The following ACTB variants were observed in gnomAD, a reference collection of about 807,000 sequenced individuals.
ACTB encodes the protein actin, cytoplasmic 1.
ACTB carries 2 observed loss-of-function variants against 30.5 expected under a neutral mutation model. The observed-to-expected ratio is 0.07, with a 90% confidence interval of 0.03 to 0.21. ACTB has a LOEUF of 0.21. ACTB is among the 10% of genes least tolerant of loss of function. ACTB has a pLI of 1.00. For missense variants in ACTB, 56 were observed against 530.0 expected (o/e 0.11, Z 8.78); for synonymous variants, 335 against 217.6 (o/e 1.54, Z -4.75).
intron 3 of ACTB, 32 bp downstream of exon 3, chr7:5,529,129 G>A (rs771252379): frequency 1.9e-6 from 3 of 1,612,670 alleles, no homozygotes; most frequent in Admixed American, 1.7e-5. Flanking sequence ...AAGGAGGGAG[G>A]CGGCCACCAG....
At chr7:5,530,374 G>T (rs551412401) in intron 1 of ACTB, 150 bp downstream of exon 1, 1 of 152,130 alleles carries the variant, frequency 6.6e-6, no homozygotes, top group South Asian at 2.1e-4. Context: ...GGAGGCCCAG[G>T]GGCTTCTCCC....
intron 1 of ACTB, 155 bp from the exon 2 acceptor site, chr7:5,529,818 A>G (rs2128241502): frequency 7.8e-7 from 1 of 1,275,400 alleles, no homozygotes. Flanking sequence ...TAAAAGGCAA[A>G]CACTGGTCGG....
In ACTB at chr7:5,528,010, C is replaced by T; in HGVS notation, c.978G>A (p.Lys326=). ...EITALAPSTM[K]IKIIAPPERK... ...AGGCAGGAAAGACACCCACCTTGAT[C>T]TTCATTGTGCTGGGTGCCAGGGCAG... is the stretch of plus-strand genomic sequence containing the variant. Residue 326 remains lysine (K), a synonymous_variant, in exon 5 of 6, where the codon AAG becomes AAA. Coordinates refer to ENST00000646664, the MANE Select transcript of ACTB (RefSeq NM_001101.5). The T allele has an allele frequency of 6.2e-7, 1 of 1,614,196 alleles. No homozygotes were observed. The highest frequency in any genetic ancestry group is 8.5e-7 in the Non-Finnish European group (1 of 1,180,030).
At position 5,527,271 on chromosome 7, in the gene ACTB, A is replaced by AAAGGGGG; in HGVS notation, c.*470_*476dup. The AAAGGGGG allele has an allele frequency of 4.1e-6, 1 of 243,016 alleles. No homozygotes were observed. Among genetic ancestry groups the AAAGGGGG allele is most frequent in the Non-Finnish European group, 8.2e-6 (1 of 122,368 alleles). The allele number at this position is 243,016 out of a possible 1,614,324, so 15.1% of individuals were successfully genotyped here. A position where few individuals can be genotyped will look rare whatever the true frequency, so the allele number is the denominator to read the frequency against. ...CATACATCTCAAGTTGGGGGACAAA[A>AAAGGGGG]AAGGGGGAAGGGGGGGCACGAAGGC... is the stretch of plus-strand genomic sequence containing the variant. On this transcript the variant is annotated 3_prime_UTR_variant, in exon 6 of 6. Transcript: ENST00000646664.
At chr7:5,528,753 G>C in intron 3 of ACTB, 34 bp from the exon 4 acceptor site, 1 of 1,609,742 alleles carries the variant, frequency 6.2e-7, no homozygotes, top group Non-Finnish European at 8.5e-7. Context: ...TCACACTGGG[G>C]AAGCCACTGG....
Position 5,529,559 on chromosome 7 carries a change from G to T in ACTB, c.99C>A (p.Ser33=). The T allele has an allele frequency of 6.2e-7, 1 of 1,611,636 alleles. No individual in the cohort carries two copies. The highest frequency in any genetic ancestry group is 8.5e-7 in the Non-Finnish European group (1 of 1,179,412). The change falls in exon 2 of 6, where the codon TCC becomes TCA. Residue 33 remains serine (S), a synonymous_variant. Coordinates refer to ENST00000646664, the MANE Select transcript of ACTB (RefSeq NM_001101.5). ...CCTGGTGCCTGGGGCGCCCCACGAT[G>T]GAGGGGAAGACGGCCCGGGGGGCAT... ...GDDAPRAVFP[S]IVGRPRHQGV...
In ACTB at chr7:5,529,577, G is replaced by A. The variant is rs569964536; in HGVS notation, c.81C>T (p.Pro27=). 1 of 1,611,528 alleles carries A rather than the reference G, an allele frequency of 6.2e-7. No individual in the cohort carries two copies. Among genetic ancestry groups the A allele is most frequent in the Non-Finnish European group, 8.5e-7 (1 of 1,179,636 alleles). ...CKAGFAGDDA[P]RAVFPSIVGR... ...CCACGATGGAGGGGAAGACGGCCCG[G>A]GGGGCATCGTCGCCCGCGAAGCCGG... The change falls in exon 2 of 6, where the codon CCC becomes CCT. Residue 27 remains proline, a synonymous_variant. Transcript: ENST00000646664.
chr7:5,529,738 G>C (rs1053748540), intron 1 of ACTB, 75 bp from the exon 2 acceptor site: 4 of 1,602,024 alleles, frequency 2.5e-6, no homozygotes, highest in Admixed American at 1.7e-5. Context: ...CGAGTCCTTA[G>C]GCCGCCAGGG....
chr7:5,527,966 G>A (rs759978214), intron 5 of ACTB, 38 bp downstream of exon 5: 48 of 1,613,000 alleles, frequency 3.0e-5, no homozygotes, highest in South Asian at 8.8e-5. Context: ...CCCCACAGCC[G>A]ACCTGCCCAG....
rs998560998 is a variant in ACTB at position 5,529,754 on chromosome 7, C to G, written c.-6-91G>C. ...GAGTCCTTAGGCCGCCAGGGGGCGCCGGCGCGCGCCCAGATTGGGGACAAA... is the reference window on the plus strand; with the variant it reads ...GAGTCCTTAGGCCGCCAGGGGGCGCGGGCGCGCGCCCAGATTGGGGACAAA... On this transcript the variant is annotated intron_variant, in intron 1 of 5. Coordinates refer to ENST00000646664, the MANE Select transcript of ACTB (RefSeq NM_001101.5). 16 of 1,583,742 alleles carry G rather than the reference C, an allele frequency of 1.0e-5. No individual in the cohort carries two copies. The East Asian group carries it at 1.4e-4, about 13-fold the overall frequency.
chr7:5,528,993 C>G lies in ACTB; in HGVS notation c.363+168G>C, dbSNP rs1434209795. ...AGAGAGACAAACACCAGAAAAAGAGCTCATCTGGGAAAAAGCAAATAGAAC... is the reference window on the plus strand; with the variant it reads ...AGAGAGACAAACACCAGAAAAAGAGGTCATCTGGGAAAAAGCAAATAGAAC... On this transcript the variant is annotated intron_variant, in intron 3 of 5. Coordinates refer to ENST00000646664, the MANE Select transcript of ACTB (RefSeq NM_001101.5). The G allele has an allele frequency of 6.9e-6, 11 of 1,593,908 alleles. No homozygotes were observed. In the Admixed American group the frequency reaches 9.0e-5, roughly 13 times the overall value.
intron 3 of ACTB, 129 bp from the exon 4 acceptor site, chr7:5,528,848 C>T (rs568754207): frequency 2.1e-6 from 3 of 1,417,162 alleles, no homozygotes; most frequent in African/African-American, 1.4e-5. Flanking sequence ...GGAGTCTGTT[C>T]AGACCTACTG....
At chr7:5,530,493 C>A (rs1188278315) in intron 1 of ACTB, 31 bp downstream of exon 1, 2 of 80,672 alleles carry the variant, frequency 2.5e-5, no homozygotes, top group Non-Finnish European at 5.8e-5. Flanking sequence ...GGGCCGTGAG[C>A]CGCCTGCCCC....
chr7:5,529,344 G>A lies in ACTB; in HGVS notation c.180C>T (p.Ser60=), dbSNP rs147566416. The A allele has an allele frequency of 1.9e-4, 301 of 1,613,972 alleles. No homozygotes were observed. Among genetic ancestry groups the A allele is most frequent in the Non-Finnish European group, 2.5e-4 (296 of 1,180,044 alleles). ...KDSYVGDEAQ[S]KRGILTLKYP... is the part of the protein sequence containing the mutation. ...ACTTCAGGGTGAGGATGCCTCTCTT[G>A]CTCTGGGCCTCGTCGCCCACATAGG... Residue 60 remains serine, a synonymous_variant, in exon 3 of 6, where the codon AGC becomes AGT. Transcript: ENST00000646664.
chr7:5,527,230 G>A lies in ACTB; in HGVS notation c.*518C>T. ...CCTGGCTGCCTCCACCCACTCCCAG[G>A]GAGACCAAAAGCCTTCATACATCTC... is the stretch of plus-strand genomic sequence containing the variant. On this transcript the variant is annotated 3_prime_UTR_variant, in exon 6 of 6. Coordinates refer to ENST00000646664, the MANE Select transcript of ACTB (RefSeq NM_001101.5). 4.3e-6 allele frequency: 1 copy of A among 232,920 alleles called. No homozygotes were observed. Among genetic ancestry groups the A allele is most frequent in the Non-Finnish European group, 8.6e-6 (1 of 116,428 alleles). The allele number at this position is 232,920 out of a possible 1,614,324, so 14.4% of individuals were successfully genotyped here. A position where few individuals can be genotyped will look rare whatever the true frequency, so the allele number is the denominator to read the frequency against.
chr7:5,529,967 C>G (rs1784852786), intron 1 of ACTB: 1 of 244,232 alleles, frequency 4.1e-6, no homozygotes, highest in Admixed American at 6.2e-5. Flanking sequence ...CGGCCAGCGG[C>G]TCGGGCAGGA....
At chr7:5,528,939 A>G in intron 3 of ACTB, 1 of 1,515,290 alleles carries the variant, frequency 6.6e-7, no homozygotes, top group Non-Finnish European at 9.0e-7. Flanking sequence ...TAGTACCTAC[A>G]CCCACAACAC....
At position 5,527,655 on chromosome 7, in the gene ACTB, AAAAACAAAT is replaced by A. The variant is rs1562718519; in HGVS notation, c.*84_*92del. 1 of 1,578,544 alleles carries A rather than the reference AAAAACAAAT, an allele frequency of 6.3e-7. No individual in the cohort carries two copies. Among genetic ancestry groups the A allele is most frequent in the Non-Finnish European group, 8.6e-7 (1 of 1,162,570 alleles). ...AAAAAAAAAACCAAAACAAAACAAA[AAAAACAAAT>A]AAAGCCATGCCAATCTCATCTTGTT... On this transcript the variant is annotated 3_prime_UTR_variant, in exon 6 of 6. Coordinates refer to ENST00000646664, the MANE Select transcript of ACTB (RefSeq NM_001101.5).
chr7:5,530,407 TCCC>T (rs13447391), intron 1 of ACTB, 114 bp downstream of exon 1: 1 of 150,626 alleles, frequency 6.6e-6, no homozygotes, highest in African/African-American at 2.4e-5. Context: ...GCGGTCCGGT[TCCC>T]CCCCCATGCG....
Sources: allele counts gnomAD v4.1 joint callset, GRCh38; gene constraint gnomAD v4.1.1; transcripts MANE v1.5; gene names NCBI Gene and HGNC (gene_info 2026-07-23, HGNC 2026-07-21).